Variants in SUGP1 observed in about 807,000 individuals in gnomAD.
SUGP1 encodes SURP and G-patch domain-containing protein 1.
In SUGP1, 34 loss-of-function variants were observed where a neutral mutation model predicts 76.5. The observed-to-expected ratio is 0.44, with a 90% CI of 0.34 to 0.59. The LOEUF (loss-of-function observed/expected upper bound fraction) is 0.59, where lower values mean the gene tolerates loss of function less well. Among genes scored for constraint, SUGP1 ranks in the 20% least tolerant of loss-of-function variants. SUGP1 has a pLI of 0.01. For missense variants in SUGP1, 752 were observed against 851.7 expected, an observed-to-expected ratio of 0.88 and a Z score of 1.46; for synonymous variants, 326 against 326.2, an observed-to-expected ratio of 1.00 and a Z score of 0.01.
chr19:19,306,679 G>T (rs1459746434), intron 3 of SUGP1, among the ~76,000 whole-genome samples: 1 of 152,216 alleles, frequency 6.6e-6, no homozygotes, highest in Non-Finnish European at 1.5e-5. Flanking sequence ...CACGGGTGAC[G>T]ATTTACCCAC....
At chr19:19,288,265 G>A (rs189888794) in intron 8 of SUGP1, among the ~76,000 whole-genome samples, 1 of 152,172 alleles carries the variant, frequency 6.6e-6, no homozygotes, top group East Asian at 1.9e-4. Context: ...TCCTGGACTC[G>A]TGTTCCTCCT....
At chr19:19,295,309 G>A (rs2061216608) in intron 8 of SUGP1, among the ~76,000 whole-genome samples, 2 of 151,822 alleles carry the variant, frequency 1.3e-5, no homozygotes, top group Non-Finnish European at 2.9e-5. Context: ...GAATTCGCTT[G>A]AACCTGGGAG....
At chr19:19,315,942 G>C (rs10423747) in intron 2 of SUGP1, among the ~76,000 whole-genome samples, 1 of 151,688 alleles carries the variant, frequency 6.6e-6, no homozygotes, top group Admixed American at 6.6e-5. Context: ...AGAGATTCTC[G>C]TGCCTCAGCC....
chr19:19,289,916 G>GA (rs954084436), intron 8 of SUGP1, among the ~76,000 whole-genome samples: 3 of 151,990 alleles, frequency 2.0e-5, no homozygotes, highest in African/African-American at 7.2e-5. Context: ...CTCTTCATCT[G>GA]AAAAAATCCC....
At chr19:19,281,957 C>T (rs2061102016) in intron 8 of SUGP1, among the ~76,000 whole-genome samples, 1 of 152,084 alleles carries the variant, frequency 6.6e-6, no homozygotes, top group Non-Finnish European at 1.5e-5. Flanking sequence ...AATTATTGTG[C>T]TTATCGTTGT....
At chr19:19,317,409 G>A (rs1357184746) in intron 1 of SUGP1, among the ~76,000 whole-genome samples, 12 of 152,314 alleles carry the variant, frequency 7.9e-5, no homozygotes, top group Admixed American at 3.9e-4. Flanking sequence ...CCCAGTGTCA[G>A]AGGGGCCTGC....
At chr19:19,279,064 A>C (rs1599843352) in intron 10 of SUGP1, 149 bp downstream of exon 10, 2 of 917,952 alleles carry the variant, frequency 2.2e-6, no homozygotes, top group Non-Finnish European at 3.2e-6. Context: ...TGAGCCTCTC[A>C]CTCCAGGCCT....
chr19:19,308,246 C>A (rs1395472364), intron 3 of SUGP1, among the ~76,000 whole-genome samples: 1 of 151,936 alleles, frequency 6.6e-6, no homozygotes, highest in Non-Finnish European at 1.5e-5. Context: ...GTTGCCCAGG[C>A]TGGTCTTGAA....
At chr19:19,304,164 G>T in intron 4 of SUGP1, 1 of 682,078 alleles carries the variant, frequency 1.5e-6, no homozygotes, top group Non-Finnish European at 2.3e-6. Flanking sequence ...TTCTTTACCA[G>T]TTTTCAGCAT....
At chr19:19,288,611 C>G (rs952281872) in intron 8 of SUGP1, among the ~76,000 whole-genome samples, 1 of 151,940 alleles carries the variant, frequency 6.6e-6, no homozygotes, top group Non-Finnish European at 1.5e-5. Flanking sequence ...AAGAATTAGC[C>G]AGGCGTGCTG....
intron 4 of SUGP1, chr19:19,304,162 C>T (rs2061296726): frequency 2.9e-6 from 2 of 683,986 alleles, no homozygotes; most frequent in Non-Finnish European, 4.6e-6. Context: ...CTTTCTTTAC[C>T]AGTTTTCAGC....
chr19:19,311,008 T>C (rs2061348912), intron 2 of SUGP1, among the ~76,000 whole-genome samples: 1 of 151,510 alleles, frequency 6.6e-6, no homozygotes, highest in South Asian at 2.1e-4. Context: ...AATGGTGCGA[T>C]AACAGGGACT....
At chr19:19,292,272 C>CA (rs543248625) in intron 8 of SUGP1, among the ~76,000 whole-genome samples, 7,020 of 60,760 alleles carry the variant, frequency 0.12, 238 homozygotes, top group East Asian at 0.22. Flanking sequence ...GACTCCGTCT[C>CA]AAAAAAAAAA....
chr19:19,315,780 C>T (rs1055718959), intron 2 of SUGP1, among the ~76,000 whole-genome samples: 4 of 152,110 alleles, frequency 2.6e-5, no homozygotes, highest in Non-Finnish European at 4.4e-5. Flanking sequence ...AGCTCTGGGG[C>T]GGCACCTGCA....
At chr19:19,297,390 CCT>C in intron 7 of SUGP1, 46 bp from the exon 8 acceptor site, 4 of 1,464,288 alleles carry the variant, frequency 2.7e-6, no homozygotes, top group Non-Finnish European at 3.6e-6. Flanking sequence ...GGCCCGAGGC[CCT>C]GTCCCTGATT....
chr19:19,297,389 C>A, intron 7 of SUGP1, 45 bp from the exon 8 acceptor site: 2 of 1,239,616 alleles, frequency 1.6e-6, no homozygotes, highest in South Asian at 3.1e-5. Context: ...GGGCCCGAGG[C>A]CCTGTCCCTG....
At chr19:19,305,820 G>A (rs182923027) in intron 4 of SUGP1, 29 bp downstream of exon 4, 10 of 1,568,330 alleles carry the variant, frequency 6.4e-6, no homozygotes, top group Non-Finnish European at 6.1e-6. Flanking sequence ...GGCACTGGTG[G>A]TGGGGGAGCA....
chr19:19,298,064 T>C (rs1011815172), intron 7 of SUGP1, among the ~76,000 whole-genome samples: 6 of 152,230 alleles, frequency 3.9e-5, no homozygotes, highest in Admixed American at 1.3e-4. Flanking sequence ...GAGAACTGAA[T>C]GCATGTACAG....
intron 2 of SUGP1, among the ~76,000 whole-genome samples, chr19:19,311,929 G>A (rs1044777783): frequency 2.0e-5 from 3 of 151,986 alleles, no homozygotes; most frequent in African/African-American, 7.3e-5. Context: ...AGTGACATAT[G>A]ATCATGCCAC....
Sources: gnomAD v4.1 joint callset for allele counts (sites outside exome capture counted in the v4.1 genomes callset) on GRCh38, gnomAD v4.1.1 for gene constraint, MANE v1.5 for transcripts, NCBI Gene and HGNC (gene_info 2026-07-23, HGNC 2026-07-21) for gene names.